DSCAML1: variants seen among roughly 807,000 people sequenced by gnomAD.
DSCAML1 encodes cell adhesion molecule DSCAML1.
Under a neutral mutation model 200.5 loss-of-function variants are expected in DSCAML1, and 38 were observed. The ratio of observed to expected loss-of-function variants is 0.19; its 90% CI spans 0.15 to 0.25. The LOEUF (loss-of-function observed/expected upper bound fraction) is 0.25. DSCAML1 is among the 10% of genes least tolerant of loss of function. The probability of loss-of-function intolerance (pLI) is 1.00; values close to 1 mark genes in which losing one functional copy is unlikely to be tolerated. For missense variants in DSCAML1, 2,223 were observed against 2,858.8 expected, an observed-to-expected ratio of 0.78 and a Z score of 5.07; for synonymous variants, 1,215 against 1,165.0, an observed-to-expected ratio of 1.04 and a Z score of -0.87.
Position 117,480,305 on chromosome 11 carries a change from A to G in DSCAML1, c.2785+138T>C. On this transcript the variant is annotated intron_variant, in intron 14 of 32. Transcript: ENST00000651296. The surrounding 1 kb of genome is among the most constrained non-coding windows in gnomAD (Gnocchi z 4.1). ...CTTCAGAAGCCACAGCTGCTTGTGC[A>G]CTGGTGGGTGCTTGTGTGTCTAGCT... 7.5e-7 allele frequency: 1 copy of G among 1,324,876 alleles called. No homozygotes were observed. The highest frequency in any genetic ancestry group is 1.0e-6 in the Non-Finnish European group (1 of 967,682). The allele number at this position is 1,324,876 out of a possible 1,614,324, so 82.1% of individuals were successfully genotyped here.
At chr11:117,524,746 C>A in intron 5 of DSCAML1, 59 bp downstream of exon 5, 1 of 1,530,608 alleles carries the variant, frequency 6.5e-7, no homozygotes, top group African/African-American at 1.4e-5. Flanking sequence ...ACTCCTCCCC[C>A]GACCCCTGAG....
chr11:117,465,297 TCTCA>T (rs2048558257), intron 16 of DSCAML1, 115 bp from the exon 17 acceptor site: 4 of 1,423,132 alleles, frequency 2.8e-6, no homozygotes, highest in East Asian at 4.7e-5. Context: ...AAGGCTCCCA[TCTCA>T]CTCAGAATGA....
Position 117,601,296 on chromosome 11 carries a change from A to T in DSCAML1, c.512-68774T>A, listed in dbSNP as rs1306718092. Among the ~76,000 whole-genome samples, 7 of 152,280 alleles carry T rather than the reference A, an allele frequency of 4.6e-5. No individual in the cohort carries two copies. In the East Asian group the frequency reaches 5.8e-4, roughly 13 times the overall value. ...CCCAGAGGCAACTCCTCAACCCTGG[A>T]TCATGAATCCTTTGCGGGCCTATCA... On this transcript the variant is annotated intron_variant, in intron 3 of 32. Transcript: ENST00000651296.
At chr11:117,599,551 C>T (rs533109413) in intron 3 of DSCAML1, among the ~76,000 whole-genome samples, 1 of 152,154 alleles carries the variant, frequency 6.6e-6, no homozygotes, top group Non-Finnish European at 1.5e-5. Flanking sequence ...GTTCTGAGCC[C>T]TCTCTGCTCA....
chr11:117,703,166 G>C (rs1473146343), intron 3 of DSCAML1, among the ~76,000 whole-genome samples: 2 of 152,164 alleles, frequency 1.3e-5, no homozygotes, highest in African/African-American at 4.8e-5. Context: ...GGGCTGCCCA[G>C]CAACTCCATT....
chr11:117,809,953 TCA>T lies in DSCAML1; in HGVS notation c.-250+7435_-250+7436del, dbSNP rs1179621210. On this transcript the variant is annotated intron_variant, in intron 1 of 2. Transcript: ENST00000525836. ...CACACGCATATTCACATACACACAT[TCA>T]CACACTCACACATTCACACACACTC... Among the ~76,000 whole-genome samples, 358 of 136,632 alleles carry T rather than the reference TCA, an allele frequency of 2.6e-3. 8 individuals are homozygous for T. Among genetic ancestry groups the T allele is most frequent in the Admixed American group, 0.023 (306 of 13,476 alleles). The allele number at this position is 136,632 out of a possible 152,430, so 89.6% of individuals were successfully genotyped here.
chr11:117,554,668 C>G (rs12804924), intron 3 of DSCAML1, among the ~76,000 whole-genome samples: 19 of 152,204 alleles, frequency 1.2e-4, no homozygotes, highest in Admixed American at 7.8e-4. Flanking sequence ...TGAGCCACCG[C>G]GCCCGGCCTG....
intron 1 of DSCAML1, among the ~76,000 whole-genome samples, chr11:117,808,631 A>T (rs1475484500): frequency 6.6e-6 from 1 of 152,202 alleles, no homozygotes; most frequent in Non-Finnish European, 1.5e-5. Context: ...GGAAATCCTG[A>T]ACTAGAAGAT....
intron 3 of DSCAML1, among the ~76,000 whole-genome samples, chr11:117,752,463 G>A (rs1306695681): frequency 1.3e-5 from 2 of 152,176 alleles, no homozygotes; most frequent in Non-Finnish European, 2.9e-5. Context: ...GAGGTCAGGA[G>A]AGGATGCTAG....
rs764083833 is a variant in DSCAML1, at chr11:117,745,128, T to A, written c.511+31663A>T. ...TTCAAAGCCAGGCAACACTAATCCA[T>A]GGTGACAGGCCTCAGGAGGGTGGTC... is the stretch of plus-strand genomic sequence containing the variant. On this transcript the variant is annotated intron_variant, in intron 3 of 32. Coordinates refer to ENST00000651296, the MANE Select transcript of DSCAML1 (RefSeq NM_020693.4). Among the ~76,000 whole-genome samples, 37 of 134,466 alleles carry A rather than the reference T, an allele frequency of 2.8e-4. 1 individual carries two copies. The highest frequency in any genetic ancestry group is 8.6e-4 in the Admixed American group (10 of 11,658). 88.2% of individuals were successfully genotyped at this position (134,466 alleles called of 152,430 possible). A position where few individuals can be genotyped will look rare whatever the true frequency, so the allele number is the denominator to read the frequency against.
chr11:117,760,329 C>T (rs903398662), intron 3 of DSCAML1, among the ~76,000 whole-genome samples: 3 of 152,230 alleles, frequency 2.0e-5, no homozygotes, highest in Admixed American at 6.5e-5. Context: ...ACCAGCCCAT[C>T]GCCTCCTCCT....
chr11:117,774,725 A>C (rs950274875), intron 3 of DSCAML1, among the ~76,000 whole-genome samples: 1 of 152,198 alleles, frequency 6.6e-6, no homozygotes, highest in African/African-American at 2.4e-5. Flanking sequence ...TATTGGATAC[A>C]TTTATACGGT....
intron 3 of DSCAML1, among the ~76,000 whole-genome samples, chr11:117,721,588 CTCG>C (rs2054041820): frequency 6.7e-6 from 1 of 150,210 alleles, no homozygotes; most frequent in Non-Finnish European, 1.5e-5. Flanking sequence ...TTGTTTAAAA[CTCG>C]TCATGTTCCT....
chr11:117,718,661 A>C (rs1450101569), intron 3 of DSCAML1, among the ~76,000 whole-genome samples: 16 of 63,118 alleles, frequency 2.5e-4, no homozygotes, highest in African/African-American at 2.4e-4. Context: ...CAAGATGAAT[A>C]CTCAAAACCC....
chr11:117,441,702 G>A (rs1001698343), intron 21 of DSCAML1, among the ~76,000 whole-genome samples: 10 of 152,282 alleles, frequency 6.6e-5, no homozygotes, highest in Non-Finnish European at 1.3e-4. Context: ...GCAGCTGAGA[G>A]GTTCAGGTGC....
chr11:117,464,916 C>T, intron 17 of DSCAML1, 26 bp downstream of exon 17: 2 of 1,608,768 alleles, frequency 1.2e-6, no homozygotes, highest in Non-Finnish European at 1.7e-6. Context: ...GAATCTGTGC[C>T]CACTCCCTTC....
intron 13 of DSCAML1, 77 bp downstream of exon 13, chr11:117,481,097 C>A: frequency 7.2e-7 from 1 of 1,389,978 alleles, no homozygotes; most frequent in Non-Finnish European, 1.0e-6. Context: ...GTGGCCCCTG[C>A]TCTTTGAGGT....
In DSCAML1 at chr11:117,518,335, G is replaced by A; in HGVS notation, c.1510+131C>T. ...AGGGCAGGAAAAGGGGACGAGAGAG[G>A]GGAGAGAGACCTCTACTAAAATCAA... On this transcript the variant is annotated intron_variant, in intron 7 of 32. Transcript: ENST00000651296. The surrounding 1 kb of genome is among the most constrained non-coding windows in gnomAD (Gnocchi z 6.3). 1.6e-6 allele frequency: 2 copies of A among 1,257,006 alleles called. No homozygotes were observed. Among genetic ancestry groups the A allele is most frequent in the Non-Finnish European group, 2.3e-6 (2 of 883,346 alleles). The allele number at this position is 1,257,006 out of a possible 1,614,324, so 77.9% of individuals were successfully genotyped here. A position where few individuals can be genotyped will look rare whatever the true frequency, so the allele number is the denominator to read the frequency against.
intron 16 of DSCAML1, among the ~76,000 whole-genome samples, chr11:117,467,193 A>ACCCCCCCCCCCCCCCCCCCCCC (rs757481843): frequency 1.8e-5 from 2 of 109,512 alleles, no homozygotes; most frequent in African/African-American, 8.9e-5. Context: ...GTGCACACAC[A>ACCCCCCCCCCCCCCCCCCCCCC]CCTCCCCCCT....
Sources: allele counts gnomAD v4.1 joint callset (sites outside exome capture counted in the v4.1 genomes callset), GRCh38; gene constraint gnomAD v4.1.1; non-coding constraint Gnocchi (gnomAD v3.1); transcripts MANE v1.5; gene names NCBI Gene and HGNC (gene_info 2026-07-23, HGNC 2026-07-21).